EPHA4: variants seen among roughly 807,000 people sequenced by gnomAD.
EPHA4 encodes the protein ephrin type-A receptor 4.
A neutral mutation model predicts 108.3 loss-of-function variants in EPHA4; 19 were observed. The ratio of observed to expected loss-of-function variants is 0.18; its 90% CI spans 0.12 to 0.26. The LOEUF (loss-of-function observed/expected upper bound fraction) is 0.26. Ranked by LOEUF, EPHA4 falls within the 10% of genes least tolerant of loss-of-function variation. EPHA4 has a pLI of 1.00. For synonymous variants in EPHA4, 449 were observed against 455.5 expected, an observed-to-expected ratio of 0.99 and a Z score of 0.18; for missense variants, 917 against 1,254.0, an observed-to-expected ratio of 0.73 and a Z score of 4.06.
At position 221,563,819 on chromosome 2, in the gene EPHA4, C is replaced by G; in HGVS notation, c.735G>C (p.Met245Ile). Residue 245 changes from methionine to isoleucine, a missense_variant, in exon 3 of 18, where the codon ATG becomes ATC. By Grantham distance (10) the Met-to-Ile change is conservative (BLOSUM62 1). Coordinates refer to ENST00000281821, the MANE Select transcript of EPHA4 (RefSeq NM_004438.5). ...NNSEEKDVPK[M>I]YCGADGEWLV... ...GCCATTCACCATCTGCCCCACAGTA[C>G]ATTTTTGGCACATCTTTCTCTTCTG... 7 of 1,614,236 alleles carry G rather than the reference C, an allele frequency of 4.3e-6. No individual in the cohort carries two copies. The highest frequency in any genetic ancestry group is 5.9e-6 in the Non-Finnish European group (7 of 1,180,042).
intron 5 of EPHA4, among the ~76,000 whole-genome samples, chr2:221,459,957 C>T (rs1208664983): frequency 6.6e-6 from 1 of 152,152 alleles, no homozygotes; most frequent in African/African-American, 2.4e-5. Flanking sequence ...TTGGAGTGCA[C>T]TGATGAACTA....
intron 5 of EPHA4, among the ~76,000 whole-genome samples, chr2:221,478,480 T>A (rs1389517307): frequency 6.6e-6 from 1 of 152,156 alleles, no homozygotes; most frequent in Non-Finnish European, 1.5e-5. Context: ...GAAACTGGAA[T>A]CTCATTTTCC....
intron 6 of EPHA4, among the ~76,000 whole-genome samples, chr2:221,457,077 C>A (rs551559199): frequency 6.6e-6 from 1 of 152,150 alleles, no homozygotes; most frequent in South Asian, 2.1e-4. Flanking sequence ...TAGTTCCACA[C>A]CCAGCAATTT....
At chr2:221,424,799 C>T (rs758054186) in intron 17 of EPHA4, among the ~76,000 whole-genome samples, 34 of 152,178 alleles carry the variant, frequency 2.2e-4, no homozygotes, top group Non-Finnish European at 4.8e-4. Flanking sequence ...CTCCAAAGGA[C>T]GGGACCCATG....
At chr2:221,529,371 C>T (rs1292181590) in intron 3 of EPHA4, among the ~76,000 whole-genome samples, 3 of 152,136 alleles carry the variant, frequency 2.0e-5, no homozygotes, top group African/African-American at 7.2e-5. Context: ...GAGTAGACAG[C>T]TTCCTCTCTC....
At chr2:221,421,518 C>T (rs1689760872) in intron 17 of EPHA4, among the ~76,000 whole-genome samples, 1 of 152,194 alleles carries the variant, frequency 6.6e-6, no homozygotes, top group South Asian at 2.1e-4. Flanking sequence ...AGGTTCAAGC[C>T]TCCTTCCACA....
At chr2:221,442,121 T>A (rs1690448664) in intron 11 of EPHA4, among the ~76,000 whole-genome samples, 1 of 152,210 alleles carries the variant, frequency 6.6e-6, no homozygotes, top group Admixed American at 6.5e-5. Flanking sequence ...GTAGTGTGTA[T>A]GAGGGCTCTT....
chr2:221,482,830 C>T, intron 4 of EPHA4, 140 bp from the exon 5 acceptor site: 1 of 680,636 alleles, frequency 1.5e-6, no homozygotes, highest in South Asian at 2.2e-5. Flanking sequence ...ATCAAGCCAG[C>T]ATAAAAGATC....
At chr2:221,552,345 T>G (rs149340267) in intron 3 of EPHA4, among the ~76,000 whole-genome samples, 216 of 152,320 alleles carry the variant, frequency 1.4e-3, no homozygotes, top group African/African-American at 4.8e-3. Flanking sequence ...CGGCTAAAGC[T>G]TTCCTGAAGC....
intron 5 of EPHA4, among the ~76,000 whole-genome samples, chr2:221,464,801 C>T (rs1392884948): frequency 6.6e-6 from 1 of 152,116 alleles, no homozygotes; most frequent in East Asian, 1.9e-4. Context: ...ATCATGCATC[C>T]ACACAAGCAC....
At chr2:221,530,465 G>A (rs1311919473) in intron 3 of EPHA4, among the ~76,000 whole-genome samples, 3 of 152,226 alleles carry the variant, frequency 2.0e-5, no homozygotes, top group African/African-American at 7.2e-5. Flanking sequence ...CTAGAATGGA[G>A]CAAACCAGCA....
intron 17 of EPHA4, among the ~76,000 whole-genome samples, chr2:221,421,156 G>T (rs1559232051): frequency 6.6e-6 from 1 of 152,086 alleles, no homozygotes. Context: ...AATTAGCCAG[G>T]CGTGGTGGCG....
At position 221,564,399 on chromosome 2, in the gene EPHA4, A is replaced by G. The variant is rs372979517; in HGVS notation, c.160-5T>C. The stretch of plus-strand genomic sequence containing the variant: ...CATGATACTCACTTCCTCCCACTGC[A>G]AAGATCCAAAGCAGATGTATCAACT... On this transcript the variant is annotated splice_polypyrimidine_tract_variant and splice_region_variant and intron_variant, in intron 2 of 17. Coordinates refer to ENST00000281821, the MANE Select transcript of EPHA4 (RefSeq NM_004438.5). The G allele has an allele frequency of 6.2e-7, 1 of 1,605,034 alleles. No homozygotes were observed. Among genetic ancestry groups the G allele is most frequent in the Non-Finnish European group, 8.5e-7 (1 of 1,173,090 alleles).
chr2:221,570,681 C>A (rs1159521522), intron 1 of EPHA4, among the ~76,000 whole-genome samples: 1 of 127,380 alleles, frequency 7.9e-6, no homozygotes, highest in Non-Finnish European at 1.8e-5. Context: ...CTCCCTCCTT[C>A]GGAACAGAGA....
intron 3 of EPHA4, among the ~76,000 whole-genome samples, chr2:221,510,922 T>C (rs1277225272): frequency 6.6e-6 from 1 of 152,186 alleles, no homozygotes; most frequent in African/African-American, 2.4e-5. Flanking sequence ...TCCACTGTCA[T>C]AAACTCTACT....
At position 221,443,001 on chromosome 2, in the gene EPHA4, C is replaced by A; in HGVS notation, c.1902G>T (p.Glu634Asp). The A allele has an allele frequency of 6.2e-7, 1 of 1,613,812 alleles. No individual in the cohort carries two copies. Among genetic ancestry groups the A allele is most frequent in the Non-Finnish European group, 8.5e-7 (1 of 1,179,918 alleles). ...EKVIGVGEFG[E>D]VCSGRLKVPG... ...GCACTTTGAGACGCCCACTGCATAC[C>A]TCACCAAATTCACCTTTGAGAGAGA... The change falls in exon 11 of 18, where the codon GAG becomes GAT. Residue 634 changes from glutamate to aspartate, a missense_variant. Glu to Asp is a conservative substitution (Grantham distance 45). Around this residue, in one of 3 missense-constraint regions of EPHA4, gnomAD observed 758 missense variants for 1,076.7 expected, o/e 0.70. Transcript: ENST00000281821.
intron 3 of EPHA4, among the ~76,000 whole-genome samples, chr2:221,543,461 G>T (rs1401152196): frequency 6.6e-6 from 1 of 152,098 alleles, no homozygotes; most frequent in Non-Finnish European, 1.5e-5. Flanking sequence ...AGATGATTTT[G>T]CCTATCTTTA....
chr2:221,507,535 C>G (rs1467207780), intron 3 of EPHA4, among the ~76,000 whole-genome samples: 1 of 151,494 alleles, frequency 6.6e-6, no homozygotes, highest in African/African-American at 2.4e-5. Flanking sequence ...CTGTTTTTGT[C>G]TATGAAATGA....
intron 4 of EPHA4, 64 bp downstream of exon 4, chr2:221,500,953 G>A: frequency 6.8e-7 from 1 of 1,462,882 alleles, no homozygotes; most frequent in Non-Finnish European, 9.1e-7. Flanking sequence ...ACCTGGCAGT[G>A]CCTTGCTAGG....
Sources: allele counts gnomAD v4.1 joint callset (sites outside exome capture counted in the v4.1 genomes callset), GRCh38; gene constraint gnomAD v4.1.1; regional missense constraint gnomAD v4.1.1; transcripts MANE v1.5; gene names NCBI Gene and HGNC (gene_info 2026-07-23, HGNC 2026-07-21).